GRIN2A: variants seen among roughly 807,000 people sequenced by gnomAD.
GRIN2A encodes glutamate ionotropic receptor NMDA type subunit 2A.
A neutral mutation model predicts 113.4 loss-of-function variants in GRIN2A; 22 were observed. The ratio of observed to expected loss-of-function variants is 0.19; its 90% confidence interval spans 0.14 to 0.28. The LOEUF (loss-of-function observed/expected upper bound fraction) is 0.28. GRIN2A is among the 10% of genes least tolerant of loss of function. The pLI, the probability that GRIN2A is intolerant of heterozygous loss-of-function variation, is 1.00. For synonymous variants in GRIN2A, 827 were observed against 738.4 expected (o/e 1.12, Z -1.94); for missense variants, 1,502 against 1,887.0 (o/e 0.80, Z 3.78).
chr16:10,033,155 T>G (rs532702866), intron 2 of GRIN2A, among the ~76,000 whole-genome samples: 1 of 152,300 alleles, frequency 6.6e-6, no homozygotes, highest in Non-Finnish European at 1.5e-5. Flanking sequence ...CGTGAACTGT[T>G]ATAATTCCAT....
At chr16:10,054,603 A>G (rs72772381) in intron 2 of GRIN2A, among the ~76,000 whole-genome samples, 13,746 of 152,290 alleles carry the variant, frequency 0.09, 702 homozygotes, top group Non-Finnish European at 0.11. Flanking sequence ...TCGTTGATTT[A>G]ATGACAAAGT....
chr16:9,814,351 T>C (rs1472572907), intron 10 of GRIN2A, among the ~76,000 whole-genome samples: 1 of 152,190 alleles, frequency 6.6e-6, no homozygotes, highest in African/African-American at 2.4e-5. Flanking sequence ...TAGGTTAACA[T>C]TGTTGAGCTT....
At chr16:10,032,154 A>G (rs964765217) in intron 2 of GRIN2A, among the ~76,000 whole-genome samples, 2 of 152,238 alleles carry the variant, frequency 1.3e-5, no homozygotes, top group African/African-American at 2.4e-5. Flanking sequence ...ACCCCATTTT[A>G]TGCTGAGCCT....
chr16:10,179,893 C>CCCAA, intron 2 of GRIN2A, 105 bp downstream of exon 2: 16 of 719,786 alleles, frequency 2.2e-5, no homozygotes, highest in East Asian at 3.6e-5. Flanking sequence ...CCCCCACCCC[C>CCCAA]ACTTCACATC....
rs758982116 is a variant in GRIN2A, at chr16:9,841,089, C to T, written c.1344G>A (p.Glu448=). ...TGCAGCATTTCTTCACATTCATCCC[C>T]TCATTGGTTGAATTGCTGTAAAGAA... The part of the protein sequence containing the change: ...KFVKINNSTN[E]GMNVKKCCKG... Residue 448 remains glutamate, a synonymous_variant, in exon 6 of 13, where the codon GAG becomes GAA. Transcript: ENST00000330684. 3.1e-6 allele frequency: 5 copies of T among 1,613,280 alleles called. No individual in the cohort carries two copies. The highest frequency in any genetic ancestry group is 4.5e-5 in the East Asian group (2 of 44,838).
intron 2 of GRIN2A, among the ~76,000 whole-genome samples, chr16:10,098,095 A>G (rs2048327119): frequency 6.6e-6 from 1 of 152,216 alleles, no homozygotes; most frequent in Admixed American, 6.5e-5. Context: ...TTAGCAAGAA[A>G]AAAAAACAAT....
chr16:10,141,741 G>T (rs1380124135), intron 2 of GRIN2A, among the ~76,000 whole-genome samples: 1 of 152,162 alleles, frequency 6.6e-6, no homozygotes, highest in Non-Finnish European at 1.5e-5. Flanking sequence ...TTACACTATG[G>T]CATGCCATCC....
At chr16:9,967,191 C>G (rs1411109805) in intron 2 of GRIN2A, among the ~76,000 whole-genome samples, 1 of 152,144 alleles carries the variant, frequency 6.6e-6, no homozygotes, top group Admixed American at 6.5e-5. Flanking sequence ...ATGGAACAAA[C>G]CTAAGTGCCC....
intron 4 of GRIN2A, among the ~76,000 whole-genome samples, chr16:9,851,706 G>A (rs1039027994): frequency 3.9e-5 from 6 of 152,164 alleles, no homozygotes; most frequent in Admixed American, 2.6e-4. Flanking sequence ...AGAACTAAGT[G>A]TAAATCCTGG....
chr16:9,803,974 A>G (rs574652632), intron 10 of GRIN2A, among the ~76,000 whole-genome samples: 31 of 152,308 alleles, frequency 2.0e-4, no homozygotes, highest in African/African-American at 5.1e-4. Flanking sequence ...CGGAGTTTCA[A>G]TAGTCGTGGT....
At chr16:9,814,884 G>A (rs1163950706) in intron 10 of GRIN2A, among the ~76,000 whole-genome samples, 3 of 152,238 alleles carry the variant, frequency 2.0e-5, no homozygotes, top group South Asian at 4.2e-4. Flanking sequence ...ACAGGGCATG[G>A]TGTTGCATAC....
chr16:9,807,569 T>C (rs1289263426), intron 10 of GRIN2A, among the ~76,000 whole-genome samples: 1 of 152,132 alleles, frequency 6.6e-6, no homozygotes, highest in Non-Finnish European at 1.5e-5. Context: ...GTAAGTACTT[T>C]GTTTCTGTTA....
At chr16:10,003,284 A>G (rs2046352581) in intron 2 of GRIN2A, among the ~76,000 whole-genome samples, 1 of 152,186 alleles carries the variant, frequency 6.6e-6, no homozygotes, top group African/African-American at 2.4e-5. Flanking sequence ...AAAGGGTGGT[A>G]GAAGAAAGAG....
intron 10 of GRIN2A, among the ~76,000 whole-genome samples, chr16:9,819,596 C>G (rs2042244009): frequency 6.6e-6 from 1 of 151,842 alleles, no homozygotes; most frequent in South Asian, 2.1e-4. Context: ...AATATTAACT[C>G]CAATGAAATT....
intron 2 of GRIN2A, among the ~76,000 whole-genome samples, chr16:9,976,279 G>C (rs1474159588): frequency 6.6e-6 from 1 of 152,086 alleles, no homozygotes; most frequent in Admixed American, 6.6e-5. Flanking sequence ...TCTTTAACTG[G>C]GGCTGTGTAC....
In GRIN2A at chr16:9,910,537, C is replaced by CTTTTT. The variant is rs35352418; in HGVS notation, c.1008-19442_1008-19438dup. Among the ~76,000 whole-genome samples, 1,048 of 123,234 alleles carry CTTTTT rather than the reference C, an allele frequency of 8.5e-3. 31 individuals are homozygous for CTTTTT. Among genetic ancestry groups the CTTTTT allele is most frequent in the African/African-American group, 0.031 (992 of 32,298 alleles). 80.8% of individuals were successfully genotyped at this position (123,234 alleles called of 152,430 possible). On this transcript the variant is annotated intron_variant, in intron 3 of 12. Coordinates refer to ENST00000330684, the MANE Select transcript of GRIN2A (RefSeq NM_001134407.3). The stretch of plus-strand genomic sequence containing the variant: ...GAGTCTCATATGAAGTCTCAGAGTT[C>CTTTTT]TTTTTTTTTTTTTTTTTTTTGAGAC...
At chr16:9,937,294 A>G (rs1457326264) in intron 3 of GRIN2A, among the ~76,000 whole-genome samples, 1 of 152,166 alleles carries the variant, frequency 6.6e-6, no homozygotes, top group Non-Finnish European at 1.5e-5. Flanking sequence ...GACCTACTAT[A>G]CGATAGCATA....
At chr16:10,123,534 G>A (rs1386959268) in intron 2 of GRIN2A, among the ~76,000 whole-genome samples, 1 of 152,114 alleles carries the variant, frequency 6.6e-6, no homozygotes, top group East Asian at 1.9e-4. Flanking sequence ...TTGACTTCAG[G>A]AAAATGGCAC....
intron 4 of GRIN2A, among the ~76,000 whole-genome samples, chr16:9,888,316 C>T (rs2043626558): frequency 6.6e-6 from 1 of 152,152 alleles, no homozygotes; most frequent in Admixed American, 6.5e-5. Flanking sequence ...TTATTTACTG[C>T]TTAATGGTTT....
Sources: gnomAD v4.1 joint callset for allele counts (sites outside exome capture counted in the v4.1 genomes callset) on GRCh38, gnomAD v4.1.1 for gene constraint, MANE v1.5 for transcripts, NCBI Gene and HGNC (gene_info 2026-07-23, HGNC 2026-07-21) for gene names.